The following SBNO2 variants were observed in gnomAD, a reference collection of about 807,000 sequenced individuals.
SBNO2 encodes the protein strawberry notch homolog 2.
In SBNO2, 89 loss-of-function variants were observed where a neutral mutation model predicts 146.3. The ratio of observed to expected loss-of-function variants is 0.61; its 90% CI spans 0.51 to 0.73. SBNO2 has a LOEUF of 0.73. Ranked by LOEUF, SBNO2 falls within the 30% of genes least tolerant of loss-of-function variation. The probability of loss-of-function intolerance (pLI) is 0.00; values close to 1 mark genes in which losing one functional copy is unlikely to be tolerated. For synonymous variants in SBNO2, 1,147 were observed against 892.6 expected, an observed-to-expected ratio of 1.29 and a Z score of -5.08; for missense variants, 2,092 against 2,003.7, an observed-to-expected ratio of 1.04 and a Z score of -0.84.
At chr19:1,164,382 G>A (rs1317106446) in intron 1 of SBNO2, among the ~76,000 whole-genome samples, 1 of 139,868 alleles carries the variant, frequency 7.1e-6, no homozygotes. Context: ...CAGGGGCAGT[G>A]GAGACAGGAG....
At chr19:1,154,129 G>C (rs773375555) in intron 2 of SBNO2, 55 bp downstream of exon 2, 1 of 886,154 alleles carries the variant, frequency 1.1e-6, no homozygotes, top group Middle Eastern at 3.9e-4. Flanking sequence ...CACTCGGAGC[G>C]GGGCAAGTGC....
chr19:1,171,023 TAC>T (rs2080472451), intron 1 of SBNO2, among the ~76,000 whole-genome samples: 1 of 149,502 alleles, frequency 6.7e-6, no homozygotes, highest in Non-Finnish European at 1.5e-5. Context: ...ACACACAAAA[TAC>T]AGACACACAT....
chr19:1,111,588 G>A lies in SBNO2; in HGVS notation c.2727C>T (p.Val909=). 6.3e-7 allele frequency: 1 copy of A among 1,594,124 alleles called. No homozygotes were observed. The highest frequency in any genetic ancestry group is 8.5e-7 in the Non-Finnish European group (1 of 1,170,754). ...NKYGTRALHC[V]LTTILSQTEN... ...CAGTCTGGCTCAGGATGGTGGTGAGGACACAGTGCAGGGCCCGGGTGCCAT... is the reference window on the plus strand; with the variant it reads ...CAGTCTGGCTCAGGATGGTGGTGAGAACACAGTGCAGGGCCCGGGTGCCAT... The change falls in exon 24 of 32, where the codon GTC becomes GTT. Residue 909 remains valine (V), a synonymous_variant. Transcript: ENST00000361757.
At chr19:1,134,201 C>T (rs561893638) in intron 4 of SBNO2, among the ~76,000 whole-genome samples, 1 of 151,862 alleles carries the variant, frequency 6.6e-6, no homozygotes, top group Admixed American at 6.6e-5. Flanking sequence ...GGACTCACAG[C>T]TCACAGGTGG....
intron 1 of SBNO2, among the ~76,000 whole-genome samples, chr19:1,159,351 G>A (rs900734897): frequency 7.9e-5 from 12 of 151,190 alleles, no homozygotes; most frequent in African/African-American, 2.2e-4. Flanking sequence ...CAGACAGAGC[G>A]CTTCGTCCCT....
chr19:1,119,572 C>T lies in SBNO2; in HGVS notation c.1317G>A (p.Trp439Ter), dbSNP rs1178095622. The change falls in exon 13 of 32, where the codon TGG becomes TGA. Residue 439 changes from tryptophan (W) to a stop codon, truncating the protein, a stop_gained. Transcript: ENST00000361757. LOFTEE classifies it high-confidence loss of function. ...NMIYMSRLGI[W>*]GEGTPFRNFE... Reference sequence around the variant, plus strand: ...AGTTCCGGAAGGGTGTGCCCTCGCCCCAGATACCCAAGCGGCTCATGTAGA... The same window carrying T: ...AGTTCCGGAAGGGTGTGCCCTCGCCTCAGATACCCAAGCGGCTCATGTAGA... 1 of 1,611,584 alleles carries T rather than the reference C, an allele frequency of 6.2e-7. No homozygotes were observed. Among genetic ancestry groups the T allele is most frequent in the Admixed American group, 1.7e-5 (1 of 59,866 alleles).
chr19:1,117,331 G>A lies in SBNO2; in HGVS notation c.1696C>T (p.Arg566Ter), dbSNP rs182197902. Residue 566 changes from arginine (R) to a stop codon, truncating the protein, a stop_gained, in exon 15 of 32, where the codon CGA becomes TGA. Transcript: ENST00000361757. LOFTEE classifies it high-confidence loss of function. ...LVELAREELA[R>*]DKCVVIGLQS... is the part of the protein sequence containing the mutation. ...AGGCCGCAGCCGCTCACCTTGTCTC[G>A]CGCCAGCTCCTCTCGGGCCAGCTCC... 4 of 1,566,032 alleles carry A rather than the reference G, an allele frequency of 2.6e-6. No homozygotes were observed. The highest frequency in any genetic ancestry group is 1.4e-5 in the African/African-American group (1 of 73,584).
At position 1,140,703 on chromosome 19, in the gene SBNO2, G is replaced by A. The variant is rs1016065421; in HGVS notation, c.279+6606C>T. On this transcript the variant is annotated intron_variant, in intron 4 of 31. Coordinates refer to ENST00000361757, the MANE Select transcript of SBNO2 (RefSeq NM_014963.3). The surrounding 1 kb of genome is among the most constrained non-coding windows in gnomAD (Gnocchi z 4.4). ...AGGAGAAGGCACACGGAAAACAGACGGACGCAGCAGGGATGCCCGCAGGCA... is the reference window on the plus strand; with the variant it reads ...AGGAGAAGGCACACGGAAAACAGACAGACGCAGCAGGGATGCCCGCAGGCA... Among the ~76,000 whole-genome samples the A allele has an allele frequency of 2.6e-5, 4 of 152,188 alleles. No individual in the cohort carries two copies. Among genetic ancestry groups the A allele is most frequent in the Admixed American group, 6.5e-5 (1 of 15,284 alleles).
At chr19:1,118,969 G>A (rs769754880) in intron 14 of SBNO2, 42 bp downstream of exon 14, 17 of 1,544,494 alleles carry the variant, frequency 1.1e-5, no homozygotes, top group African/African-American at 2.7e-5. Context: ...AATTTCACCC[G>A]GGAAACGCAC....
chr19:1,132,160 GT>G, intron 4 of SBNO2: 1 of 1,461,784 alleles, frequency 6.8e-7, no homozygotes, highest in Non-Finnish European at 9.0e-7. Flanking sequence ...GGGGCCAGGG[GT>G]CCCCCAGGAA....
intron 1 of SBNO2, among the ~76,000 whole-genome samples, chr19:1,172,774 A>ACC (rs1568659622): frequency 1.2e-4 from 6 of 49,638 alleles, no homozygotes; most frequent in African/African-American, 2.9e-4. Context: ...CACTCACTGC[A>ACC]ACCGCCCCCC....
intron 11 of SBNO2, among the ~76,000 whole-genome samples, chr19:1,120,559 G>A (rs958967168): frequency 4.6e-5 from 7 of 152,148 alleles, no homozygotes; most frequent in South Asian, 2.1e-4. Context: ...TGGTAGAGAC[G>A]GGGTTGGCCG....
At position 1,144,840 on chromosome 19, in the gene SBNO2, G is replaced by C. The variant is rs1343569591; in HGVS notation, c.279+2469C>G. ...GACAGAGAGGGAGACAGAGAGACAGGGGCAGAGACAAGCAGAGAGGGAGAC... is the reference window on the plus strand; with the variant it reads ...GACAGAGAGGGAGACAGAGAGACAGCGGCAGAGACAAGCAGAGAGGGAGAC... On this transcript the variant is annotated intron_variant, in intron 4 of 31. Transcript: ENST00000361757. The surrounding 1 kb of genome is among the most constrained non-coding windows in gnomAD (Gnocchi z 4.1). Among the ~76,000 whole-genome samples the C allele has an allele frequency of 7.6e-6, 1 of 132,040 alleles. No homozygotes were observed. Among genetic ancestry groups the C allele is most frequent in the Middle Eastern group, 5.4e-3 (1 of 186 alleles). 86.6% of individuals were successfully genotyped at this position (132,040 alleles called of 152,430 possible).
intron 4 of SBNO2, among the ~76,000 whole-genome samples, chr19:1,141,067 G>A (rs796512330): frequency 1.4e-4 from 19 of 132,838 alleles, no homozygotes; most frequent in African/African-American, 4.3e-4. Context: ...GAGAAGAGGC[G>A]CCCCGGAGAA....
At chr19:1,132,223 G>C in intron 4 of SBNO2, 1 of 1,320,174 alleles carries the variant, frequency 7.6e-7, no homozygotes, top group South Asian at 2.0e-5. Flanking sequence ...CCCAGCATTG[G>C]GTCGGCCGGG....
chr19:1,130,718 G>C (rs1395358530), intron 4 of SBNO2, among the ~76,000 whole-genome samples: 1 of 152,010 alleles, frequency 6.6e-6, no homozygotes, highest in Non-Finnish European at 1.5e-5. Context: ...CTTCAACCCA[G>C]TTGGTGGAGG....
Position 1,109,358 on chromosome 19 carries a change from G to A in SBNO2, c.3282C>T (p.Tyr1094=), listed in dbSNP as rs1172524848. 6.3e-6 allele frequency: 10 copies of A among 1,589,702 alleles called. No homozygotes were observed. The South Asian group carries it at 6.8e-5, about 11-fold the overall frequency. ...EQNRGQFFTV[Y]KPNIGRQSQL... is the part of the protein sequence containing the mutation. ...GGCTCTGCCGGCCGATGTTGGGCTT[G>A]TACACCGTGAAGAACTGGCCGCGGT... The change falls in exon 29 of 32, where the codon TAC becomes TAT. Residue 1094 remains tyrosine, a synonymous_variant. Transcript: ENST00000361757. This position sits in a 1 kb window ranked among gnomAD's most constrained non-coding sequence, Gnocchi z 4.2.
Position 1,150,670 on chromosome 19 carries a change from C to T in SBNO2, c.94-1228G>A, listed in dbSNP as rs868331490. Among the ~76,000 whole-genome samples the T allele has an allele frequency of 6.6e-6, 1 of 152,156 alleles. No individual in the cohort carries two copies. Among genetic ancestry groups the T allele is most frequent in the African/African-American group, 2.4e-5 (1 of 41,438 alleles). ...ACAGGGTTGGGGGTTCGCCTGCTTC[C>T]CTGAGTCCCCCAGTGACCTCTCCCA... is the stretch of plus-strand genomic sequence containing the variant. On this transcript the variant is annotated intron_variant, in intron 2 of 31. Coordinates refer to ENST00000361757, the MANE Select transcript of SBNO2 (RefSeq NM_014963.3). The surrounding 1 kb of genome is among the most constrained non-coding windows in gnomAD (Gnocchi z 6.2).
rs1221291880 is a variant in SBNO2, at chr19:1,108,583, C to T, written c.3738G>A (p.Pro1246=). ...CTCCGGGGCCGCAAGGCAGCGCCAGCGGGCGCGGGGCGGGCGGGGCGGGGC... is the reference window on the plus strand; with the variant it reads ...CTCCGGGGCCGCAAGGCAGCGCCAGTGGGCGCGGGGCGGGCGGGGCGGGGC... ...LGCPAPPAPR[P]LALPCGPGEV... is the part of the protein sequence containing the mutation. The change falls in exon 32 of 32, where the codon CCG becomes CCA. Residue 1246 remains proline, a synonymous_variant. Transcript: ENST00000361757. 26 of 817,896 alleles carry T rather than the reference C, an allele frequency of 3.2e-5. No individual in the cohort carries two copies. The highest frequency in any genetic ancestry group is 1.3e-4 in the African/African-American group (7 of 52,088). The allele number at this position is 817,896 out of a possible 1,614,324, so 50.7% of individuals were successfully genotyped here.
Sources: allele counts gnomAD v4.1 joint callset (sites outside exome capture counted in the v4.1 genomes callset), GRCh38; gene constraint gnomAD v4.1.1; non-coding constraint Gnocchi (gnomAD v3.1); transcripts MANE v1.5; gene names NCBI Gene and HGNC (gene_info 2026-07-23, HGNC 2026-07-21).